Variants in KRT8 observed in about 807,000 individuals in gnomAD.
KRT8 encodes the protein keratin 8, also known as keratin, type II cytoskeletal 8.
In KRT8, 24 loss-of-function variants were observed where a neutral mutation model predicts 43.0. The observed-to-expected ratio is 0.56, with a 90% CI of 0.40 to 0.78. The LOEUF is 0.78. Ranked by LOEUF, KRT8 falls within the 30% of genes least tolerant of loss-of-function variation. KRT8 has a pLI of 0.00. For synonymous variants in KRT8, 214 were observed against 261.2 expected (o/e 0.82, Z 1.74); for missense variants, 492 against 638.4 (o/e 0.77, Z 2.47).
At chr12:52,945,820 G>A (rs1942335186) in intron 2 of KRT8, among the ~76,000 whole-genome samples, 1 of 152,020 alleles carries the variant, frequency 6.6e-6, no homozygotes, top group Non-Finnish European at 1.5e-5. Context: ...GGCCCCTCCT[G>A]CTCCACCCTT....
At chr12:52,938,172 T>A (rs376476684) in intron 2 of KRT8, among the ~76,000 whole-genome samples, 453 of 22,092 alleles carry the variant, frequency 0.021, 1 homozygote, top group African/African-American at 0.034. Context: ...ATATATATAT[T>A]TTTTTTTTTT....
At chr12:52,947,464 A>G (rs1179616033) in intron 2 of KRT8, 1 of 124,430 alleles carries the variant, frequency 8.0e-6, no homozygotes, top group African/African-American at 3.5e-5. Flanking sequence ...TGTAGGACAC[A>G]TTACTTTTAT....
upstream of KRT8, among the ~76,000 whole-genome samples, chr12:52,906,137 C>T (rs1439800287): frequency 3.9e-5 from 6 of 152,174 alleles, no homozygotes; most frequent in African/African-American, 1.4e-4. Flanking sequence ...AACCCAGGGG[C>T]TTCCTCTCCT....
chr12:52,949,497 G>A, exon 2 of KRT8: 1 of 1,613,594 alleles, frequency 6.2e-7, no homozygotes, highest in Non-Finnish European at 8.5e-7. Context: ...ACCGGAGGCT[G>A]GAGAGCAAAA....
intron 2 of KRT8, among the ~76,000 whole-genome samples, chr12:52,919,911 G>T (rs1405872422): frequency 6.6e-6 from 1 of 152,148 alleles, no homozygotes; most frequent in East Asian, 1.9e-4. Flanking sequence ...GCCTCCCAAG[G>T]TGCTGGGATT....
intron 2 of KRT8, among the ~76,000 whole-genome samples, chr12:52,944,667 G>A (rs1431666671): frequency 1.3e-5 from 2 of 152,158 alleles, no homozygotes; most frequent in Non-Finnish European, 2.9e-5. Context: ...TTTCTGGGCA[G>A]CCACACGCTT....
intron 2 of KRT8, among the ~76,000 whole-genome samples, chr12:52,930,766 G>A (rs1194816927): frequency 1.3e-5 from 2 of 151,484 alleles, no homozygotes; most frequent in South Asian, 2.1e-4. Context: ...TTGCTCTGTT[G>A]CCAGGCTGGT....
intron 2 of KRT8, among the ~76,000 whole-genome samples, chr12:52,939,333 G>A (rs1942229609): frequency 6.6e-6 from 1 of 151,824 alleles, no homozygotes; most frequent in Non-Finnish European, 1.5e-5. Context: ...TGGTGAAACT[G>A]TCTCTAGTAA....
rs1191186327 is a variant in KRT8, at chr12:52,926,347, C to T, written c.-46-21320G>A. The T allele has an allele frequency of 4.7e-6, 5 of 1,054,086 alleles. No individual in the cohort carries two copies. The South Asian group carries it at 7.0e-5, about 15-fold the overall frequency. 65.3% of individuals were successfully genotyped at this position (1,054,086 alleles called of 1,614,324 possible). A position where few individuals can be genotyped will look rare whatever the true frequency, so the allele number is the denominator to read the frequency against. ...GGCACTAGCTGCCCTCCCCACCCCA[C>T]CCCCAGGACTGTGCCCTCCTCTCCT... On this transcript the variant is annotated intron_variant, in intron 2 of 6. Transcript: ENST00000546826.
intron 2 of KRT8, among the ~76,000 whole-genome samples, chr12:52,941,957 C>T (rs982211550): frequency 6.6e-6 from 1 of 152,134 alleles, no homozygotes; most frequent in Non-Finnish European, 1.5e-5. Context: ...AGGTGCCTTA[C>T]AAAGCGTTAA....
intron 2 of KRT8, among the ~76,000 whole-genome samples, chr12:52,941,780 G>T (rs985605659): frequency 6.6e-6 from 1 of 152,002 alleles, no homozygotes; most frequent in Non-Finnish European, 1.5e-5. Flanking sequence ...GAGCCACCGT[G>T]CCTGGCTTTT....
intron 2 of KRT8, among the ~76,000 whole-genome samples, chr12:52,918,485 C>T (rs191282546): frequency 2.0e-4 from 30 of 152,290 alleles, no homozygotes; most frequent in Middle Eastern, 6.8e-3. Flanking sequence ...ATCTGAGCCC[C>T]GCCAGACAGA....
At chr12:52,901,930 T>C in exon 2 of KRT8, 1 of 1,611,398 alleles carries the variant, frequency 6.2e-7, no homozygotes. Flanking sequence ...CAGCTTCTCC[T>C]GGCCCAGAGT....
At chr12:52,902,202 A>G in intron 1 of KRT8, 130 bp from the exon 2 acceptor site, 1 of 681,166 alleles carries the variant, frequency 1.5e-6, no homozygotes, top group Non-Finnish European at 2.6e-6. Flanking sequence ...GCACCTGGTT[A>G]GCTGTTCTGG....
chr12:52,900,441 G>T, intron 4 of KRT8, 147 bp downstream of exon 4: 1 of 705,906 alleles, frequency 1.4e-6, no homozygotes, highest in South Asian at 1.5e-5. Context: ...AATACTAGCC[G>T]AGCAAATATT....
chr12:52,897,466 T>G (rs372439640), exon 8 of KRT8: 22 of 1,599,292 alleles, frequency 1.4e-5, no homozygotes, highest in Non-Finnish European at 1.9e-5. Flanking sequence ...GACACCAGCT[T>G]CCCATCACGT....
At chr12:52,926,375 A>G in intron 2 of KRT8, 4 of 1,510,896 alleles carry the variant, frequency 2.6e-6, no homozygotes, top group Non-Finnish European at 3.6e-6. Flanking sequence ...CCTCTCCTGA[A>G]GCACCTCCTT....
intron 2 of KRT8, among the ~76,000 whole-genome samples, chr12:52,938,149 TATATATATATATATATATA>T (rs1565732850): frequency 2.5e-4 from 9 of 35,766 alleles, no homozygotes; most frequent in Admixed American, 5.1e-4. Context: ...TATATATATA[TATATATATATATATATATA>T]TATTTTTTTT....
At chr12:52,905,152 G>C (rs1457702718), upstream of KRT8, 24 of 1,301,746 alleles carry the variant, frequency 1.8e-5, no homozygotes, top group East Asian at 3.8e-4. Flanking sequence ...AGGCCCAGAG[G>C]GGGCTGGGCC....
Sources: gnomAD v4.1 joint callset for allele counts (sites outside exome capture counted in the v4.1 genomes callset) on GRCh38, gnomAD v4.1.1 for gene constraint, MANE v1.5 for transcripts, NCBI Gene and HGNC (gene_info 2026-07-23, HGNC 2026-07-21) for gene names.